The following TRAPPC3L variants were observed in gnomAD, a reference collection of about 807,000 sequenced individuals.
TRAPPC3L encodes trafficking protein particle complex subunit 3L.
TRAPPC3L carries 23 observed loss-of-function variants against 23.7 expected under a neutral mutation model. That is an observed-to-expected ratio of 0.97 (90% CI 0.70 to 1.37). The LOEUF is 1.37. Ranked by LOEUF, TRAPPC3L falls within the 40% of genes most tolerant of loss-of-function variation. The pLI is 0.00. For missense variants in TRAPPC3L, 212 were observed against 216.8 expected (o/e 0.98, Z 0.14); for synonymous variants, 81 against 77.9 (o/e 1.04, Z -0.21).
intron 3 of TRAPPC3L, among the ~76,000 whole-genome samples, chr6:116,533,953 C>T (rs1026865804): frequency 5.9e-5 from 9 of 152,216 alleles, no homozygotes; most frequent in African/African-American, 1.9e-4. Flanking sequence ...TGCCGGCAGT[C>T]TGAGTCTAGC....
At chr6:116,543,744 A>G in intron 1 of TRAPPC3L, 2 of 1,285,660 alleles carry the variant, frequency 1.6e-6, no homozygotes, top group Non-Finnish European at 2.1e-6. Flanking sequence ...TTTCTAAAAT[A>G]TATGCCATCC....
chr6:116,523,732 T>C (rs1772388850), intron 3 of TRAPPC3L: 2 of 152,174 alleles, frequency 1.3e-5, no homozygotes, highest in Admixed American at 6.5e-5. Flanking sequence ...AAGCTAAACC[T>C]AATCAAGTAT....
intron 1 of TRAPPC3L, among the ~76,000 whole-genome samples, chr6:116,544,882 G>A (rs1004260075): frequency 4.6e-5 from 7 of 151,968 alleles, no homozygotes; most frequent in Non-Finnish European, 8.8e-5. Context: ...TTTTGTATCT[G>A]TAGTATCTGA....
At chr6:116,514,900 A>G (rs1251926571) in intron 3 of TRAPPC3L, among the ~76,000 whole-genome samples, 1 of 152,250 alleles carries the variant, frequency 6.6e-6, no homozygotes, top group African/African-American at 2.4e-5. Context: ...TTCAATTGTG[A>G]AAACAGAGTT....
chr6:116,497,749 C>G (rs1359478093), intron 4 of TRAPPC3L, among the ~76,000 whole-genome samples: 1 of 152,048 alleles, frequency 6.6e-6, no homozygotes, highest in Non-Finnish European at 1.5e-5. Flanking sequence ...TATTGCTGAC[C>G]TACCCCCAAT....
intron 3 of TRAPPC3L, among the ~76,000 whole-genome samples, chr6:116,527,126 C>T (rs1772452655): frequency 6.6e-6 from 1 of 152,182 alleles, no homozygotes; most frequent in South Asian, 2.1e-4. Context: ...TTCTTGTCTT[C>T]TTGCCTCCCC....
Position 116,515,821 on chromosome 6 carries a change from T to C in TRAPPC3L, c.241-15155A>G, listed in dbSNP as rs1374725819. 4 of 1,613,890 alleles carry C rather than the reference T, an allele frequency of 2.5e-6. No individual in the cohort carries two copies. The African/African-American group carries it at 4.0e-5, about 16-fold the overall frequency. ...TTGAAAACAAGAGGCCAGATCCTTT[T>C]CCCATGCCTACGTTTGCTGCCTGGG... On this transcript the variant is annotated intron_variant, in intron 3 of 4. Coordinates refer to ENST00000368602, the MANE Select transcript of TRAPPC3L (RefSeq NM_001139444.3).
At chr6:116,502,927 A>G (rs1771941604) in intron 3 of TRAPPC3L, among the ~76,000 whole-genome samples, 1 of 152,208 alleles carries the variant, frequency 6.6e-6, no homozygotes, top group Admixed American at 6.5e-5. Flanking sequence ...AAACATGCCA[A>G]ATTTAAAGAC....
Position 116,540,577 on chromosome 6 carries a change from C to G in TRAPPC3L, c.141-115G>C, listed in dbSNP as rs920624987. The G allele has an allele frequency of 1.6e-5, 16 of 1,025,298 alleles. No homozygotes were observed. The African/African-American group carries it at 2.6e-4, about 17-fold the overall frequency. 63.5% of individuals were successfully genotyped at this position (1,025,298 alleles called of 1,614,324 possible). A position where few individuals can be genotyped will look rare whatever the true frequency, so the allele number is the denominator to read the frequency against. On this transcript the variant is annotated intron_variant, in intron 2 of 4. Transcript: ENST00000368602. ...TTGTGCAAGTGAATCACAAATCAAA[C>G]CAAATATGACGAGTCAAATGGCTTT...
At chr6:116,500,353 G>A in intron 4 of TRAPPC3L, 128 bp downstream of exon 4, 2 of 831,510 alleles carry the variant, frequency 2.4e-6, no homozygotes, top group Non-Finnish European at 3.6e-6. Flanking sequence ...ACATTTTGGG[G>A]GTAATTTGTA....
chr6:116,497,586 T>G (rs925498921), intron 4 of TRAPPC3L, among the ~76,000 whole-genome samples: 1 of 152,178 alleles, frequency 6.6e-6, no homozygotes, highest in Non-Finnish European at 1.5e-5. Flanking sequence ...AAATGAATTA[T>G]AGATATAAAA....
intron 3 of TRAPPC3L, among the ~76,000 whole-genome samples, chr6:116,513,754 A>G (rs1348911014): frequency 6.6e-6 from 1 of 152,210 alleles, no homozygotes; most frequent in Non-Finnish European, 1.5e-5. Flanking sequence ...GAGGCGGAAA[A>G]GAACATTCAT....
intron 3 of TRAPPC3L, among the ~76,000 whole-genome samples, chr6:116,535,767 G>T (rs1773037328): frequency 6.6e-6 from 1 of 152,098 alleles, no homozygotes; most frequent in African/African-American, 2.4e-5. Context: ...TCTCAGAACA[G>T]TTACCATAGT....
At chr6:116,528,937 C>G (rs1772533630) in intron 3 of TRAPPC3L, 1 of 152,114 alleles carries the variant, frequency 6.6e-6, no homozygotes, top group Non-Finnish European at 1.5e-5. Context: ...TGATAAGTTT[C>G]CTTTGTTGTT....
At chr6:116,528,485 C>T (rs1772517643) in intron 3 of TRAPPC3L, among the ~76,000 whole-genome samples, 1 of 152,184 alleles carries the variant, frequency 6.6e-6, no homozygotes, top group Admixed American at 6.6e-5. Flanking sequence ...CTTGTTTAAA[C>T]AAGTTTCATG....
At chr6:116,512,086 C>CG (rs1562339191) in intron 3 of TRAPPC3L, 8 of 1,613,956 alleles carry the variant, frequency 5.0e-6, no homozygotes, top group Non-Finnish European at 6.8e-6. Context: ...GTGCCATGAG[C>CG]GGGACGAGAA....
Position 116,543,395 on chromosome 6 carries a change from T to A in TRAPPC3L, c.48A>T (p.Lys16Asn). ...HRRPEYHKIN[K>N]DLFVLTYGAL... ...CTCCATAGGTAAGGACAAAGAGATC[T>A]TTATTCTGGAGAAAAAGGGGTAGTT... is the stretch of plus-strand genomic sequence containing the variant. Residue 16 changes from lysine (K) to asparagine (N), a missense_variant, in exon 2 of 5, where the codon AAA (lysine) becomes AAT (asparagine). Transcript: ENST00000368602. 3 of 1,548,730 alleles carry A rather than the reference T, an allele frequency of 1.9e-6. No individual in the cohort carries two copies. Among genetic ancestry groups the A allele is most frequent in the Non-Finnish European group, 2.6e-6 (3 of 1,145,252 alleles).
chr6:116,497,000 G>A lies in TRAPPC3L; in HGVS notation c.500C>T (p.Thr167Ile). 6.5e-7 allele frequency: 1 copy of A among 1,545,308 alleles called. No homozygotes were observed. Reference protein sequence around the residue: ...KGDSVTEIGITFLKKRDEKKY... With the variant: ...KGDSVTEIGIIFLKKRDEKKY... ...TTTCTCGTCTCGCTTTTTTAGAAATGTTATTCCTATTTCTGTCACACTGTC... is the reference window on the plus strand; with the variant it reads ...TTTCTCGTCTCGCTTTTTTAGAAATATTATTCCTATTTCTGTCACACTGTC... Residue 167 changes from threonine to isoleucine, a missense_variant, in exon 5 of 5, where the codon ACA (threonine) becomes ATA (isoleucine). Thr to Ile is a moderately conservative substitution (Grantham distance 89). Coordinates refer to ENST00000368602, the MANE Select transcript of TRAPPC3L (RefSeq NM_001139444.3).
chr6:116,503,361 C>T (rs984243848), intron 3 of TRAPPC3L, among the ~76,000 whole-genome samples: 3 of 152,288 alleles, frequency 2.0e-5, no homozygotes, highest in African/African-American at 7.2e-5. Flanking sequence ...ACAGGAGCAT[C>T]CAGATTCATA....
Sources: gnomAD v4.1 joint callset for allele counts (sites outside exome capture counted in the v4.1 genomes callset) on GRCh38, gnomAD v4.1.1 for gene constraint, MANE v1.5 for transcripts, NCBI Gene and HGNC (gene_info 2026-07-23, HGNC 2026-07-21) for gene names.